VWC2L: variants seen among roughly 807,000 people sequenced by gnomAD.
VWC2L encodes the protein von Willebrand factor C domain-containing protein 2-like.
In VWC2L, 10 loss-of-function variants were observed where a neutral mutation model predicts 21.6. The observed-to-expected ratio is 0.46, with a 90% CI of 0.29 to 0.78. The LOEUF is 0.78. Among genes scored for constraint, VWC2L ranks in the 30% least tolerant of loss-of-function variants. VWC2L has a pLI of 0.10. For synonymous variants in VWC2L, 96 were observed against 94.3 expected, an observed-to-expected ratio of 1.02 and a Z score of -0.10; for missense variants, 209 against 277.1, an observed-to-expected ratio of 0.75 and a Z score of 1.74.
At chr2:214,420,467 GC>G (rs1318182737) in intron 2 of VWC2L, among the ~76,000 whole-genome samples, 6 of 152,240 alleles carry the variant, frequency 3.9e-5, no homozygotes, top group Non-Finnish European at 8.8e-5. Context: ...ACAATTCACT[GC>G]CCCTTGCCTA....
chr2:214,574,791 A>C (rs972082452), intron 3 of VWC2L, among the ~76,000 whole-genome samples: 1 of 152,172 alleles, frequency 6.6e-6, no homozygotes, highest in East Asian at 1.9e-4. Context: ...AACTATAGTA[A>C]TAACAACTAA....
intron 3 of VWC2L, among the ~76,000 whole-genome samples, chr2:214,549,169 T>G (rs1322195770): frequency 3.3e-5 from 5 of 152,190 alleles, no homozygotes; most frequent in African/African-American, 1.2e-4. Flanking sequence ...ATTAGACCCT[T>G]GTAATTACAA....
rs571793835 is a variant in VWC2L, at chr2:214,461,444, A to G, written c.520+24686A>G. On this transcript the variant is annotated intron_variant, in intron 3 of 3. Transcript: ENST00000312504. ...AGTCCTCAGGCCCCCAAATGTCACA[A>G]CCAGGTGAGTGTTGGCAGTAGTGGC... is the stretch of plus-strand genomic sequence containing the variant. 9.9e-4 allele frequency among the ~76,000 whole-genome samples: 151 copies of G among 152,290 alleles called. 1 individual carries two copies. Among genetic ancestry groups the G allele is most frequent in the African/African-American group, 3.5e-3 (147 of 41,562 alleles).
At chr2:214,429,217 G>A (rs918953271) in intron 2 of VWC2L, among the ~76,000 whole-genome samples, 1 of 152,070 alleles carries the variant, frequency 6.6e-6, no homozygotes, top group African/African-American at 2.4e-5. Context: ...CTTTTTTCCT[G>A]TTGCATAAAC....
chr2:214,541,605 GT>G (rs1689628571), intron 3 of VWC2L, among the ~76,000 whole-genome samples: 1 of 152,178 alleles, frequency 6.6e-6, no homozygotes, highest in South Asian at 2.1e-4. Context: ...TTGGGCTAGG[GT>G]AGTTTTCATT....
chr2:214,507,057 C>T (rs969072545), intron 3 of VWC2L, among the ~76,000 whole-genome samples: 22 of 151,958 alleles, frequency 1.4e-4, no homozygotes, highest in Non-Finnish European at 2.6e-4. Flanking sequence ...CAAAGGTCAA[C>T]ATGTTTCTTT....
chr2:214,511,951 C>T (rs1372796696), intron 3 of VWC2L, among the ~76,000 whole-genome samples: 2 of 140,138 alleles, frequency 1.4e-5, no homozygotes, highest in Non-Finnish European at 3.1e-5. Flanking sequence ...CACACACACA[C>T]ACCTGGTCAT....
At chr2:214,451,901 T>C (rs1020858907) in intron 3 of VWC2L, among the ~76,000 whole-genome samples, 5 of 152,208 alleles carry the variant, frequency 3.3e-5, no homozygotes, top group African/African-American at 1.2e-4. Context: ...AACTGTACAT[T>C]TTTAAAATAT....
At chr2:214,574,529 G>C (rs972517551) in intron 3 of VWC2L, among the ~76,000 whole-genome samples, 4 of 152,128 alleles carry the variant, frequency 2.6e-5, no homozygotes, top group Non-Finnish European at 5.9e-5. Context: ...CTTATCAAGG[G>C]GGTAAGAAAG....
chr2:214,551,370 C>A (rs1419143670), intron 3 of VWC2L, among the ~76,000 whole-genome samples: 1 of 152,084 alleles, frequency 6.6e-6, no homozygotes, highest in African/African-American at 2.4e-5. Context: ...AATTTAGTAC[C>A]ACAGACACTA....
At chr2:214,479,036 A>C (rs1261553592) in intron 3 of VWC2L, among the ~76,000 whole-genome samples, 1 of 152,072 alleles carries the variant, frequency 6.6e-6, no homozygotes, top group Non-Finnish European at 1.5e-5. Context: ...ATTTCCTCAA[A>C]AGTCTCTTCA....
At chr2:214,438,227 A>G (rs990754897) in intron 3 of VWC2L, among the ~76,000 whole-genome samples, 1 of 152,066 alleles carries the variant, frequency 6.6e-6, no homozygotes, top group Non-Finnish European at 1.5e-5. Context: ...TAGAGAAGAA[A>G]GGCTCAGGTG....
chr2:214,522,380 A>T (rs1471438766), intron 3 of VWC2L, among the ~76,000 whole-genome samples: 3 of 151,286 alleles, frequency 2.0e-5, no homozygotes, highest in African/African-American at 7.3e-5. Context: ...GTCTCAAAAA[A>T]AAAAAAAAAA....
chr2:214,524,737 T>C (rs1342375180), intron 3 of VWC2L, among the ~76,000 whole-genome samples: 1 of 152,102 alleles, frequency 6.6e-6, no homozygotes, highest in Non-Finnish European at 1.5e-5. Flanking sequence ...AGTTTTTTTC[T>C]CACTAATGCC....
At chr2:214,521,480 A>G (rs554607600) in intron 3 of VWC2L, among the ~76,000 whole-genome samples, 6 of 152,228 alleles carry the variant, frequency 3.9e-5, no homozygotes, top group Non-Finnish European at 7.4e-5. Context: ...TTAATTTAAC[A>G]TATTTTTGCT....
At chr2:214,528,939 T>C (rs921116615) in intron 3 of VWC2L, among the ~76,000 whole-genome samples, 1 of 152,198 alleles carries the variant, frequency 6.6e-6, no homozygotes, top group Non-Finnish European at 1.5e-5. Context: ...TTCCACTATA[T>C]GAAGTTGCCA....
chr2:214,519,005 GA>G (rs1207397825), intron 3 of VWC2L, among the ~76,000 whole-genome samples: 1 of 152,098 alleles, frequency 6.6e-6, no homozygotes, highest in African/African-American at 2.4e-5. Context: ...GACCTATGGG[GA>G]AAAGACTTGA....
In VWC2L at chr2:214,557,297, T is replaced by A. The variant is rs147626245; in HGVS notation, c.521-18375T>A. Among the ~76,000 whole-genome samples, 384 of 152,134 alleles carry A rather than the reference T, an allele frequency of 2.5e-3. 3 individuals are homozygous for A. The highest frequency in any genetic ancestry group is 0.01 in the Middle Eastern group (3 of 294). On this transcript the variant is annotated intron_variant, in intron 3 of 3. Transcript: ENST00000312504. ...AAACCAAGCTAAACGGGTTTCCCCT[T>A]ATAAAAGCCATCAAATCTCGTGAGA... is the stretch of plus-strand genomic sequence containing the variant.
At chr2:214,474,707 C>T (rs7579594) in intron 3 of VWC2L, among the ~76,000 whole-genome samples, 7,307 of 152,110 alleles carry the variant, frequency 0.048, 548 homozygotes, top group African/African-American at 0.17. Context: ...CTTTATTTTC[C>T]CAGCAACTTA....
Sources: allele counts gnomAD v4.1 joint callset (sites outside exome capture counted in the v4.1 genomes callset), GRCh38; gene constraint gnomAD v4.1.1; transcripts MANE v1.5; gene names NCBI Gene and HGNC (gene_info 2026-07-23, HGNC 2026-07-21).